CAMTA1: variants seen among roughly 807,000 people sequenced by gnomAD.
CAMTA1 encodes calmodulin binding transcription activator 1.
Under a neutral mutation model 170.9 loss-of-function variants are expected in CAMTA1, and 27 were observed. The ratio of observed to expected loss-of-function variants is 0.16; its 90% confidence interval spans 0.12 to 0.22. CAMTA1 has a LOEUF of 0.22. Among genes scored for constraint, CAMTA1 ranks in the 10% least tolerant of loss-of-function variants. CAMTA1 has a pLI of 1.00. For synonymous variants in CAMTA1, 833 were observed against 891.5 expected (o/e 0.93, Z 1.17); for missense variants, 1,619 against 2,217.2 (o/e 0.73, Z 5.42).
At chr1:7,607,521 G>A (rs575503572) in intron 6 of CAMTA1, among the ~76,000 whole-genome samples, 59 of 152,204 alleles carry the variant, frequency 3.9e-4, no homozygotes, top group African/African-American at 1.3e-3. Context: ...TAAGTGGAGG[G>A]GTTGATGGAT....
At position 7,224,812 on chromosome 1, in the gene CAMTA1, T is replaced by C. The variant is rs1301624195; in HGVS notation, c.303-24679T>C. On this transcript the variant is annotated intron_variant, in intron 4 of 22. Coordinates refer to ENST00000303635, the MANE Select transcript of CAMTA1 (RefSeq NM_015215.4). This position sits in a 1 kb window ranked among gnomAD's most constrained non-coding sequence, Gnocchi z 5.2. Reference sequence around the variant, plus strand: ...CCTGCTCCGTAGCTGCTCCATGTCGTCTGGATGGTCCGTTGGCACCCTGCC... The same window carrying C: ...CCTGCTCCGTAGCTGCTCCATGTCGCCTGGATGGTCCGTTGGCACCCTGCC... Among the ~76,000 whole-genome samples, 1 of 141,292 alleles carries C rather than the reference T, an allele frequency of 7.1e-6. No homozygotes were observed. Among genetic ancestry groups the C allele is most frequent in the East Asian group, 2.0e-4 (1 of 5,110 alleles). 92.7% of individuals were successfully genotyped at this position (141,292 alleles called of 152,430 possible).
At chr1:7,375,964 T>C (rs545226677) in intron 5 of CAMTA1, among the ~76,000 whole-genome samples, 1 of 152,276 alleles carries the variant, frequency 6.6e-6, no homozygotes, top group African/African-American at 2.4e-5. Context: ...GTGGGGCCCT[T>C]CCTATCAGGA....
intron 3 of CAMTA1, among the ~76,000 whole-genome samples, chr1:7,000,872 C>T (rs191199757): frequency 6.6e-6 from 1 of 152,256 alleles, no homozygotes; most frequent in Admixed American, 6.5e-5. Context: ...TATAGAATCC[C>T]AGTGTCTTTG....
At chr1:6,803,469 A>G (rs147571143) in intron 1 of CAMTA1, among the ~76,000 whole-genome samples, 335 of 152,270 alleles carry the variant, frequency 2.2e-3, no homozygotes, top group African/African-American at 7.8e-3. Context: ...ATTATAGAAG[A>G]CAGGTGGAAT....
chr1:6,794,348 A>G (rs912051665), intron 1 of CAMTA1, among the ~76,000 whole-genome samples: 15 of 152,232 alleles, frequency 9.9e-5, no homozygotes, highest in African/African-American at 3.6e-4. Flanking sequence ...ACAAGGGGGT[A>G]GTGATGTTCT....
At chr1:7,756,709 G>A (rs781176984) in intron 22 of CAMTA1, among the ~76,000 whole-genome samples, 32 of 152,006 alleles carry the variant, frequency 2.1e-4, no homozygotes, top group Non-Finnish European at 4.3e-4. Context: ...TTAACCAGGC[G>A]TGGTAGGGCA....
chr1:7,226,548 T>C (rs1315418114), intron 4 of CAMTA1, among the ~76,000 whole-genome samples: 1 of 152,130 alleles, frequency 6.6e-6, no homozygotes, highest in Non-Finnish European at 1.5e-5. Flanking sequence ...TTCACAAACA[T>C]CCTCTGAAGT....
At chr1:6,936,875 C>A (rs1229712642) in intron 3 of CAMTA1, among the ~76,000 whole-genome samples, 1 of 152,138 alleles carries the variant, frequency 6.6e-6, no homozygotes, top group Non-Finnish European at 1.5e-5. Flanking sequence ...GTAGTCCCAG[C>A]CACTCGGGAG....
intron 4 of CAMTA1, among the ~76,000 whole-genome samples, chr1:7,161,272 C>T (rs1647196363): frequency 6.6e-6 from 1 of 152,180 alleles, no homozygotes; most frequent in Non-Finnish European, 1.5e-5. Context: ...TTCTCTCTTC[C>T]TGCAGCCCTC....
chr1:7,364,171 T>C (rs1379946213), intron 5 of CAMTA1, among the ~76,000 whole-genome samples: 2 of 152,196 alleles, frequency 1.3e-5, no homozygotes, highest in Non-Finnish European at 2.9e-5. Flanking sequence ...GCTTATCGAG[T>C]GCTGACTCTA....
rs1250192055 is a variant in CAMTA1, at chr1:7,010,002, C to T, written c.235-81302C>T. Among the ~76,000 whole-genome samples, 3 of 152,196 alleles carry T rather than the reference C, an allele frequency of 2.0e-5. No individual in the cohort carries two copies. Among genetic ancestry groups the T allele is most frequent in the South Asian group, 2.1e-4 (1 of 4,828 alleles). On this transcript the variant is annotated intron_variant, in intron 3 of 22. Coordinates refer to ENST00000303635, the MANE Select transcript of CAMTA1 (RefSeq NM_015215.4). This position sits in a 1 kb window ranked among gnomAD's most constrained non-coding sequence, Gnocchi z 4.4. ...GGAGGTGTTGGCGCTGTCCAGGTGC[C>T]GGCCAGTGTGGAAGGAGCTGGCTGC...
intron 3 of CAMTA1, among the ~76,000 whole-genome samples, chr1:6,904,084 T>G (rs1677730885): frequency 6.6e-6 from 1 of 152,266 alleles, no homozygotes; most frequent in South Asian, 2.1e-4. Context: ...TGTAAGTTTC[T>G]CCTGGCCCTT....
At chr1:7,344,908 G>A (rs1027992445) in intron 5 of CAMTA1, among the ~76,000 whole-genome samples, 4 of 82,654 alleles carry the variant, frequency 4.8e-5, no homozygotes, top group East Asian at 5.9e-4. Context: ...CACCATGCCC[G>A]CCTAATTTTT....
intron 5 of CAMTA1, among the ~76,000 whole-genome samples, chr1:7,398,181 C>CATATATA (rs2089511970): frequency 8.8e-5 from 4 of 45,578 alleles, no homozygotes; most frequent in African/African-American, 3.3e-4. Context: ...CTCTCTCTCT[C>CATATATA]TCTCTCTCTC....
chr1:7,512,693 C>T (rs1202408228), intron 6 of CAMTA1, among the ~76,000 whole-genome samples: 1 of 152,206 alleles, frequency 6.6e-6, no homozygotes, highest in African/African-American at 2.4e-5. Flanking sequence ...CATAGCAAAA[C>T]CCAGCATCCG....
chr1:7,058,734 T>C (rs943346177), intron 3 of CAMTA1, among the ~76,000 whole-genome samples: 6 of 152,292 alleles, frequency 3.9e-5, no homozygotes, highest in African/African-American at 1.4e-4. Context: ...CAGGACTTAT[T>C]AAAATCTGCT....
rs79680787 is a variant in CAMTA1, at chr1:6,792,018, A to T, written c.45+6443A>T. Among the ~76,000 whole-genome samples, 393 of 150,742 alleles carry T rather than the reference A, an allele frequency of 2.6e-3. 1 individual carries two copies. Among genetic ancestry groups the T allele is most frequent in the African/African-American group, 9.3e-3 (380 of 41,000 alleles). On this transcript the variant is annotated intron_variant, in intron 1 of 22. Transcript: ENST00000303635. ...AGTCTTGCTTTGTTGCCCAGGCACG[A>T]TCTCCGCTCCCTGCAACCTCCGCCT...
chr1:7,310,653 TTC>T lies in CAMTA1; in HGVS notation c.438+61029_438+61030del, dbSNP rs1491397581. On this transcript the variant is annotated intron_variant, in intron 5 of 22. Coordinates refer to ENST00000303635, the MANE Select transcript of CAMTA1 (RefSeq NM_015215.4). ...CTTTCTTTCTTTCTTTCTTTTTTCTTTCTTTCTTTCTTTCTTTCCTTTCTTTC... is the reference window on the plus strand; with the variant it reads ...CTTTCTTTCTTTCTTTCTTTTTTCTTTTTCTTTCTTTCTTTCCTTTCTTTC... Among the ~76,000 whole-genome samples the T allele has an allele frequency of 1.7e-4, 11 of 63,086 alleles. 1 individual carries two copies. Among genetic ancestry groups the T allele is most frequent in the Non-Finnish European group, 5.7e-5 (2 of 34,962 alleles). 41.4% of individuals were successfully genotyped at this position (63,086 alleles called of 152,430 possible).
At chr1:7,697,215 C>T (rs2096385677) in intron 11 of CAMTA1, among the ~76,000 whole-genome samples, 1 of 152,166 alleles carries the variant, frequency 6.6e-6, no homozygotes, top group Admixed American at 6.5e-5. Context: ...ACAGGAGGAC[C>T]CGAAGTGATG....
Sources: allele counts gnomAD v4.1 joint callset (sites outside exome capture counted in the v4.1 genomes callset), GRCh38; gene constraint gnomAD v4.1.1; non-coding constraint Gnocchi (gnomAD v3.1); transcripts MANE v1.5; gene names NCBI Gene and HGNC (gene_info 2026-07-23, HGNC 2026-07-21).